The following SNX29 variants were observed in gnomAD, a reference collection of about 807,000 sequenced individuals.
The protein encoded by SNX29 is sorting nexin 29, also known as sorting nexin-29.
A neutral mutation model predicts 102.1 loss-of-function variants in SNX29; 78 were observed. The observed-to-expected ratio is 0.76, with a 90% CI of 0.64 to 0.92. The LOEUF (loss-of-function observed/expected upper bound fraction) is 0.92. Ranked by LOEUF, SNX29 falls within the 40% of genes least tolerant of loss-of-function variation. The probability of loss-of-function intolerance (pLI) is 0.00; values close to 1 mark genes in which losing one functional copy is unlikely to be tolerated. For missense variants in SNX29, 1,280 were observed against 1,061.7 expected, an observed-to-expected ratio of 1.21 and a Z score of -2.86; for synonymous variants, 580 against 414.5, an observed-to-expected ratio of 1.40 and a Z score of -4.85.
At chr16:12,506,413 T>G (rs1357422795) in intron 19 of SNX29, among the ~76,000 whole-genome samples, 1 of 152,170 alleles carries the variant, frequency 6.6e-6, no homozygotes, top group African/African-American at 2.4e-5. Flanking sequence ...GGGAGATGTT[T>G]GAAAGGATTA....
chr16:12,282,959 C>T lies in SNX29; in HGVS notation c.1782+4923C>T, dbSNP rs142862695. 8.5e-5 allele frequency among the ~76,000 whole-genome samples: 13 copies of T among 152,234 alleles called. No individual in the cohort carries two copies. In the East Asian group the frequency reaches 2.5e-3, roughly 29 times the overall value. On this transcript the variant is annotated intron_variant, in intron 15 of 20. Coordinates refer to ENST00000566228, the MANE Select transcript of SNX29 (RefSeq NM_032167.5). ...GGCGTGAGCCACTGCACTCGGCCCA[C>T]AGTTAAGTCTTAACTAGAGCTCAGA...
intron 13 of SNX29, among the ~76,000 whole-genome samples, chr16:12,151,812 T>G (rs1168463526): frequency 1.3e-5 from 2 of 152,222 alleles, no homozygotes; most frequent in Non-Finnish European, 2.9e-5. Context: ...CTCGTCTCAC[T>G]GCAACCTCTG....
chr16:12,034,024 C>G (rs1378304994), intron 4 of SNX29, among the ~76,000 whole-genome samples: 1 of 152,148 alleles, frequency 6.6e-6, no homozygotes, highest in East Asian at 1.9e-4. Context: ...AAGCCAAACC[C>G]CTACTCTCAG....
chr16:12,449,645 A>G (rs185850854), intron 18 of SNX29, among the ~76,000 whole-genome samples: 228 of 152,270 alleles, frequency 1.5e-3, no homozygotes, highest in African/African-American at 5.1e-3. Flanking sequence ...TGTTTTCTGC[A>G]TTTAGAAGTC....
At chr16:12,563,728 A>G (rs2078861997) in intron 20 of SNX29, among the ~76,000 whole-genome samples, 1 of 152,222 alleles carries the variant, frequency 6.6e-6, no homozygotes, top group African/African-American at 2.4e-5. Flanking sequence ...CAGAGATGGC[A>G]CTGTCATTCT....
At chr16:12,067,516 C>T (rs1294659596) in intron 9 of SNX29, among the ~76,000 whole-genome samples, 2 of 152,212 alleles carry the variant, frequency 1.3e-5, no homozygotes, top group African/African-American at 2.4e-5. Context: ...GAGACGGAGT[C>T]TCACTCTGTC....
chr16:12,564,997 C>CA (rs1018478661), intron 20 of SNX29, among the ~76,000 whole-genome samples: 1 of 151,660 alleles, frequency 6.6e-6, no homozygotes, highest in African/African-American at 2.4e-5. Flanking sequence ...GACTACAGCC[C>CA]ATGTCTCTAC....
At chr16:12,136,305 G>C (rs1313692704) in intron 13 of SNX29, among the ~76,000 whole-genome samples, 1 of 152,176 alleles carries the variant, frequency 6.6e-6, no homozygotes. Context: ...GATGCGTCAC[G>C]GTCACTGCTG....
At chr16:12,130,965 C>G (rs923968177) in intron 13 of SNX29, among the ~76,000 whole-genome samples, 1 of 152,008 alleles carries the variant, frequency 6.6e-6, no homozygotes. Flanking sequence ...AGTGAACAAC[C>G]TTTGCATTGG....
intron 11 of SNX29, among the ~76,000 whole-genome samples, chr16:12,126,165 C>T (rs1020890686): frequency 3.9e-5 from 6 of 152,226 alleles, no homozygotes; most frequent in African/African-American, 1.4e-4. Flanking sequence ...GCTTGTGAAC[C>T]ATACGGCTAC....
chr16:12,053,210 G>C (rs1321073039), intron 8 of SNX29: 1 of 150,118 alleles, frequency 6.7e-6, no homozygotes, highest in Non-Finnish European at 1.5e-5. Flanking sequence ...CAGGAGAATC[G>C]CTTGAATATG....
At chr16:12,352,274 C>T (rs1212239561) in intron 15 of SNX29, among the ~76,000 whole-genome samples, 1 of 151,964 alleles carries the variant, frequency 6.6e-6, no homozygotes, top group African/African-American at 2.4e-5. Context: ...GGACAAAAAA[C>T]CAAACACCGC....
chr16:12,514,759 G>A (rs1160941064), intron 19 of SNX29, among the ~76,000 whole-genome samples: 1 of 152,118 alleles, frequency 6.6e-6, no homozygotes, highest in Non-Finnish European at 1.5e-5. Flanking sequence ...CTCCTACTCG[G>A]GAGGCTGAGG....
intron 20 of SNX29, among the ~76,000 whole-genome samples, chr16:12,548,611 A>C (rs1295168811): frequency 1.3e-5 from 2 of 152,156 alleles, no homozygotes; most frequent in Admixed American, 6.5e-5. Flanking sequence ...TACTCTGTCC[A>C]AGCCCCACAG....
intron 16 of SNX29, among the ~76,000 whole-genome samples, chr16:12,369,806 A>C (rs1394062620): frequency 1.3e-5 from 2 of 152,180 alleles, no homozygotes; most frequent in Non-Finnish European, 2.9e-5. Flanking sequence ...CTTATTCCTT[A>C]ATTTAATATA....
intron 10 of SNX29, among the ~76,000 whole-genome samples, chr16:12,077,037 G>A (rs1290427988): frequency 6.6e-6 from 1 of 152,172 alleles, no homozygotes; most frequent in Non-Finnish European, 1.5e-5. Context: ...ACTTTGGGAG[G>A]CCAAGGTGGG....
chr16:11,991,637 G>C (rs1409946927), intron 1 of SNX29, among the ~76,000 whole-genome samples: 1 of 151,740 alleles, frequency 6.6e-6, no homozygotes, highest in African/African-American at 2.4e-5. Context: ...CCGCCTCCCA[G>C]GTTCAAGTGA....
chr16:11,982,807 T>G (rs1401675351), intron 1 of SNX29, among the ~76,000 whole-genome samples: 1 of 152,178 alleles, frequency 6.6e-6, no homozygotes. Flanking sequence ...ACAATTTGTG[T>G]AACAGATGAG....
Position 12,298,723 on chromosome 16 carries a change from C to G in SNX29, c.1782+20687C>G, listed in dbSNP as rs112091131. On this transcript the variant is annotated intron_variant, in intron 15 of 20. Transcript: ENST00000566228. ...TGCTGCCTCCCATGGCTGGGAGGAC[C>G]CTTGCTGTCTCTCACCGGCCAAGGA... is the stretch of plus-strand genomic sequence containing the variant. 5.3e-5 allele frequency among the ~76,000 whole-genome samples: 8 copies of G among 152,216 alleles called. 1 individual carries two copies. Among genetic ancestry groups the G allele is most frequent in the African/African-American group, 1.9e-4 (8 of 41,524 alleles).
Sources: gnomAD v4.1 joint callset for allele counts (sites outside exome capture counted in the v4.1 genomes callset) on GRCh38, gnomAD v4.1.1 for gene constraint, MANE v1.5 for transcripts, NCBI Gene and HGNC (gene_info 2026-07-23, HGNC 2026-07-21) for gene names.